The following SHISAL2A variants were observed in gnomAD, a reference collection of about 807,000 sequenced individuals.
SHISAL2A encodes the protein protein shisa-like-2A.
A neutral mutation model predicts 11.5 loss-of-function variants in SHISAL2A; 18 were observed. That is an observed-to-expected ratio of 1.57 (90% CI 1.08 to 2.33). The LOEUF is 2.33. Ranked by LOEUF, SHISAL2A falls within the 30% of genes most tolerant of loss-of-function variation. The pLI, the probability that SHISAL2A is intolerant of heterozygous loss-of-function variation, is 0.00. For missense variants in SHISAL2A, 261 were observed against 250.9 expected (o/e 1.04, Z -0.27); for synonymous variants, 94 against 99.6 (o/e 0.94, Z 0.34).
chr1:52,657,660 GC>G (rs1421910640), downstream of SHISAL2A, among the ~76,000 whole-genome samples: 1 of 152,138 alleles, frequency 6.6e-6, no homozygotes, highest in Admixed American at 6.5e-5. Flanking sequence ...TTCAAGACCA[GC>G]TTGGGCAACA....
intron 2 of SHISAL2A, among the ~76,000 whole-genome samples, chr1:52,645,017 CAAAAAAA>C (rs752980005): frequency 1.4e-5 from 1 of 69,438 alleles, no homozygotes; most frequent in African/African-American, 4.6e-5. Context: ...ACTCTGTCTC[CAAAAAAA>C]AAAAAAAAAA....
intron 2 of SHISAL2A, among the ~76,000 whole-genome samples, chr1:52,644,204 G>A (rs1458930188): frequency 6.6e-6 from 1 of 152,194 alleles, no homozygotes; most frequent in African/African-American, 2.4e-5. Context: ...ACAAAGTGTA[G>A]GGAAGATTTC....
chr1:52,659,657 G>T (rs566819809), downstream of SHISAL2A: 1 of 152,610 alleles, frequency 6.6e-6, no homozygotes, highest in African/African-American at 2.4e-5. Flanking sequence ...TGTGGCCCAG[G>T]ACCTGCAAGT....
Position 52,656,828 on chromosome 1 carries a change from A to G in SHISAL2A, c.361A>G (p.Thr121Ala), listed in dbSNP as rs761268351. ...TTCTCCTGACTGCCAAGGTGTGAACACAGGCATGGCGGCAGAAGTGCCAAA... is the reference window on the plus strand; with the variant it reads ...TTCTCCTGACTGCCAAGGTGTGAACGCAGGCATGGCGGCAGAAGTGCCAAA... Reference protein sequence around the residue: ...EVSPDCQGVNTGMAAEVPKVS... With the variant: ...EVSPDCQGVNAGMAAEVPKVS... The change falls in exon 3 of 3, where the codon ACA (threonine) becomes GCA (alanine). Residue 121 changes from threonine (T) to alanine (A), a missense_variant. Coordinates refer to ENST00000517870, the MANE Select transcript of SHISAL2A (RefSeq NM_001042693.3). 1.9e-6 allele frequency: 3 copies of G among 1,613,974 alleles called. No individual in the cohort carries two copies. Among genetic ancestry groups the G allele is most frequent in the African/African-American group, 1.3e-5 (1 of 75,038 alleles).
Position 52,657,048 on chromosome 1 carries a change from A to G in SHISAL2A, c.*8A>G, listed in dbSNP as rs1355418785. ...TGTGGACCAGTCCCATAAACATTCA[A>G]TAAATGTCTCCATACCATCCCCTTC... On this transcript the variant is annotated 3_prime_UTR_variant, in exon 3 of 3. Transcript: ENST00000517870. The G allele has an allele frequency of 1.9e-6, 3 of 1,581,606 alleles. No homozygotes were observed. Among genetic ancestry groups the G allele is most frequent in the Admixed American group, 3.6e-5 (2 of 56,256 alleles).
chr1:52,641,598 G>C (rs1691365258), intron 1 of SHISAL2A, among the ~76,000 whole-genome samples: 1 of 152,174 alleles, frequency 6.6e-6, no homozygotes, highest in Non-Finnish European at 1.5e-5. Flanking sequence ...TTGAGACATG[G>C]AGTTGACACT....
At chr1:52,639,181 A>C (rs1318114975) in intron 1 of SHISAL2A, among the ~76,000 whole-genome samples, 1 of 149,806 alleles carries the variant, frequency 6.7e-6, no homozygotes, top group Non-Finnish European at 1.5e-5. Flanking sequence ...TCAGAAAAGA[A>C]AAAAAAAAAG....
At chr1:52,662,839 A>G (rs2149895289) in intron 4 of SHISAL2A, among the ~76,000 whole-genome samples, 1 of 152,300 alleles carries the variant, frequency 6.6e-6, no homozygotes, top group South Asian at 2.1e-4. Context: ...TTCTCAGGCT[A>G]CTGGAGGAAG....
At chr1:52,666,687 T>C (rs1296749539) in intron 4 of SHISAL2A, among the ~76,000 whole-genome samples, 2 of 152,022 alleles carry the variant, frequency 1.3e-5, no homozygotes, top group Non-Finnish European at 2.9e-5. Flanking sequence ...AGATTCTCAG[T>C]TGTAAACAAA....
In SHISAL2A at chr1:52,650,088, C is replaced by T. The variant is rs1177329605; in HGVS notation, c.323-6702C>T. 3.9e-5 allele frequency among the ~76,000 whole-genome samples: 6 copies of T among 152,184 alleles called. No homozygotes were observed. In the East Asian group the frequency reaches 1.2e-3, roughly 29 times the overall value. On this transcript the variant is annotated intron_variant, in intron 2 of 2. Transcript: ENST00000517870. ...TATACTGCAGAATGACTTTCATCAG[C>T]CCCTCCCACCTTCCACAGAAGGCTC...
intron 2 of SHISAL2A, among the ~76,000 whole-genome samples, chr1:52,656,524 A>T (rs1459221250): frequency 6.6e-6 from 1 of 152,238 alleles, no homozygotes; most frequent in Non-Finnish European, 1.5e-5. Flanking sequence ...CCTACCTCAT[A>T]GGGTTATGGT....
chr1:52,666,581 C>T (rs768439574), intron 4 of SHISAL2A, among the ~76,000 whole-genome samples: 1 of 147,210 alleles, frequency 6.8e-6, no homozygotes, highest in East Asian at 1.9e-4. Flanking sequence ...TGTGCACACG[C>T]GCGTGTGTGT....
At chr1:52,637,993 G>C (rs1348270976) in intron 1 of SHISAL2A, among the ~76,000 whole-genome samples, 1 of 152,052 alleles carries the variant, frequency 6.6e-6, no homozygotes, top group Admixed American at 6.6e-5. Flanking sequence ...CCCATGACAG[G>C]GACTCATCCC....
chr1:52,642,652 G>T (rs1488126849), intron 1 of SHISAL2A, among the ~76,000 whole-genome samples: 2 of 152,102 alleles, frequency 1.3e-5, no homozygotes, highest in African/African-American at 2.4e-5. Context: ...CTTGAATCCT[G>T]ACCCTAAGTG....
chr1:52,636,470 A>G (rs1206486809), intron 1 of SHISAL2A, among the ~76,000 whole-genome samples: 1 of 152,114 alleles, frequency 6.6e-6, no homozygotes, highest in Non-Finnish European at 1.5e-5. Context: ...GGTGATAGAG[A>G]TATTTGTGTG....
chr1:52,634,366 G>A (rs74997779), intron 1 of SHISAL2A, among the ~76,000 whole-genome samples: 222 of 152,300 alleles, frequency 1.5e-3, no homozygotes, highest in African/African-American at 5.1e-3. Flanking sequence ...TGAGCACTTG[G>A]TGTGTGCCAA....
chr1:52,667,969 A>T (rs887952660), intron 5 of SHISAL2A, among the ~76,000 whole-genome samples: 2 of 152,170 alleles, frequency 1.3e-5, no homozygotes, highest in Non-Finnish European at 2.9e-5. Flanking sequence ...CTCATTTCAA[A>T]GTTGAAGTAA....
chr1:52,655,942 A>G (rs1427099819), intron 2 of SHISAL2A, among the ~76,000 whole-genome samples: 1 of 152,168 alleles, frequency 6.6e-6, no homozygotes, highest in Non-Finnish European at 1.5e-5. Context: ...TTGAGGATGG[A>G]GAGAAATGGG....
downstream of SHISAL2A, chr1:52,657,145 C>G (rs1363915846): frequency 3.5e-6 from 5 of 1,421,896 alleles, no homozygotes; most frequent in African/African-American, 7.2e-5. Context: ...AGGGCTTCTC[C>G]CAGCAAAGAT....
Sources: allele counts gnomAD v4.1 joint callset (sites outside exome capture counted in the v4.1 genomes callset), GRCh38; gene constraint gnomAD v4.1.1; transcripts MANE v1.5; gene names NCBI Gene and HGNC (gene_info 2026-07-23, HGNC 2026-07-21).